SUGCT: variants seen among roughly 807,000 people sequenced by gnomAD.
The protein encoded by SUGCT is succinyl-CoA:glutarate-CoA transferase.
SUGCT carries 41 observed loss-of-function variants against 55.0 expected under a neutral mutation model. That is an observed-to-expected ratio of 0.74 (90% CI 0.58 to 0.97). The LOEUF (loss-of-function observed/expected upper bound fraction) is 0.97, where lower values mean the gene tolerates loss of function less well. Ranked by LOEUF, SUGCT falls within the 50% of genes least tolerant of loss-of-function variation. The probability of loss-of-function intolerance (pLI) is 0.00; values close to 1 mark genes in which losing one functional copy is unlikely to be tolerated. For synonymous variants in SUGCT, 187 were observed against 200.4 expected, an observed-to-expected ratio of 0.93 and a Z score of 0.56; for missense variants, 568 against 547.8, an observed-to-expected ratio of 1.04 and a Z score of -0.37.
intron 12 of SUGCT, among the ~76,000 whole-genome samples, chr7:40,682,917 G>C (rs1335579685): frequency 2.6e-5 from 4 of 152,056 alleles, no homozygotes; most frequent in Non-Finnish European, 5.9e-5. Flanking sequence ...GAAAATGAAA[G>C]GTCAGTATGT....
At chr7:40,679,977 A>G (rs777425972) in intron 12 of SUGCT, among the ~76,000 whole-genome samples, 2 of 152,186 alleles carry the variant, frequency 1.3e-5, no homozygotes, top group Non-Finnish European at 2.9e-5. Flanking sequence ...CATTGTTGCT[A>G]ATGCATGGCC....
intron 9 of SUGCT, among the ~76,000 whole-genome samples, chr7:40,338,950 A>G (rs1188218893): frequency 2.0e-5 from 3 of 152,094 alleles, no homozygotes; most frequent in African/African-American, 7.2e-5. Flanking sequence ...TCTGTTTGTT[A>G]GTTTTCCTTC....
At chr7:40,360,432 T>C (rs1038791925) in intron 9 of SUGCT, among the ~76,000 whole-genome samples, 1 of 152,234 alleles carries the variant, frequency 6.6e-6, no homozygotes, top group African/African-American at 2.4e-5. Context: ...GATTTATTAA[T>C]TCATGATTTC....
At chr7:40,137,530 C>G (rs978294371) in intron 1 of SUGCT, among the ~76,000 whole-genome samples, 1 of 152,188 alleles carries the variant, frequency 6.6e-6, no homozygotes, top group Non-Finnish European at 1.5e-5. Context: ...TAACTTCAAT[C>G]TAACTAAAGT....
chr7:40,272,162 A>G (rs1181559943), intron 7 of SUGCT, among the ~76,000 whole-genome samples: 14 of 43,298 alleles, frequency 3.2e-4, no homozygotes, highest in Non-Finnish European at 4.5e-4. Flanking sequence ...ATATATATAT[A>G]TATATATATA....
intron 12 of SUGCT, among the ~76,000 whole-genome samples, chr7:40,696,583 C>G (rs1017955244): frequency 2.0e-5 from 3 of 152,148 alleles, no homozygotes; most frequent in Non-Finnish European, 4.4e-5. Flanking sequence ...TTATCAGAAC[C>G]TCCAAACTCC....
the SUGCT span, among the ~76,000 whole-genome samples, chr7:40,985,731 A>T: frequency 6.6e-6 from 1 of 152,228 alleles, no homozygotes; most frequent in Non-Finnish European, 1.5e-5. Flanking sequence ...TTATGTTAAC[A>T]GGGAACTGTT....
rs553001322 is a variant in SUGCT at position 40,456,095 on chromosome 7, G to A, written c.889-3006G>A. On this transcript the variant is annotated intron_variant, in intron 10 of 13. Transcript: ENST00000335693. ...GGATGGAGTGTAGTGGCATGATCTC[G>A]GCTCACTGCAACCTCTGCCTCCTGG... is the stretch of plus-strand genomic sequence containing the variant. 7.2e-5 allele frequency among the ~76,000 whole-genome samples: 11 copies of A among 151,912 alleles called. No individual in the cohort carries two copies. The East Asian group carries it at 9.7e-4, about 13-fold the overall frequency.
chr7:40,506,728 T>C (rs926722611), intron 12 of SUGCT, among the ~76,000 whole-genome samples: 1 of 152,166 alleles, frequency 6.6e-6, no homozygotes, highest in African/African-American at 2.4e-5. Context: ...CCAATCTTTT[T>C]TGTCTGTGTT....
chr7:40,159,218 C>T (rs898743472), intron 1 of SUGCT, among the ~76,000 whole-genome samples: 2 of 152,126 alleles, frequency 1.3e-5, no homozygotes, highest in African/African-American at 2.4e-5. Context: ...CCACGCCTGG[C>T]CAGATAATTT....
intron 12 of SUGCT, among the ~76,000 whole-genome samples, chr7:40,513,650 C>T (rs1793067101): frequency 2.6e-5 from 4 of 152,144 alleles, no homozygotes; most frequent in Admixed American, 2.0e-4. Context: ...TACACAGGCA[C>T]TCAATGACAT....
intron 12 of SUGCT, among the ~76,000 whole-genome samples, chr7:40,747,414 T>C (rs1278018731): frequency 1.3e-5 from 2 of 152,216 alleles, no homozygotes; most frequent in African/African-American, 4.8e-5. Flanking sequence ...GAGCTCTCTC[T>C]CCGAGTTTAA....
chr7:40,645,583 C>A (rs73689836), intron 12 of SUGCT, among the ~76,000 whole-genome samples: 4 of 152,172 alleles, frequency 2.6e-5, no homozygotes, highest in Non-Finnish European at 5.9e-5. Context: ...TACCTTTCTG[C>A]TAATACTCAT....
intron 13 of SUGCT, among the ~76,000 whole-genome samples, chr7:40,783,045 T>G (rs1273909583): frequency 6.6e-6 from 1 of 152,046 alleles, no homozygotes; most frequent in Non-Finnish European, 1.5e-5. Flanking sequence ...GATATTGGAG[T>G]CCAGTTGATT....
chr7:40,671,698 A>C (rs1801948248), intron 12 of SUGCT, among the ~76,000 whole-genome samples: 1 of 152,190 alleles, frequency 6.6e-6, no homozygotes, highest in Non-Finnish European at 1.5e-5. Flanking sequence ...AATGCTGGTG[A>C]ATCAAATATA....
At chr7:40,543,030 C>T (rs1360264343) in intron 12 of SUGCT, among the ~76,000 whole-genome samples, 7 of 152,178 alleles carry the variant, frequency 4.6e-5, no homozygotes, top group African/African-American at 7.2e-5. Flanking sequence ...ATTTGTGACA[C>T]GAGAAATAGC....
chr7:40,277,099 G>A (rs930971233), intron 8 of SUGCT, among the ~76,000 whole-genome samples: 1 of 152,126 alleles, frequency 6.6e-6, no homozygotes, highest in Admixed American at 6.6e-5. Flanking sequence ...CTAATGATGA[G>A]ATTATTTGCT....
intron 13 of SUGCT, among the ~76,000 whole-genome samples, chr7:40,798,692 C>T (rs918078042): frequency 6.6e-6 from 1 of 152,058 alleles, no homozygotes; most frequent in Non-Finnish European, 1.5e-5. Context: ...TTATGCTTTG[C>T]GCATGCTACT....
intron 8 of SUGCT, among the ~76,000 whole-genome samples, chr7:40,310,355 GA>G (rs1339597842): frequency 7.9e-5 from 12 of 152,214 alleles, no homozygotes; most frequent in Non-Finnish European, 1.3e-4. Flanking sequence ...AGGAAAGTAT[GA>G]GGAACTGTCA....
Sources: allele counts gnomAD v4.1 joint callset (sites outside exome capture counted in the v4.1 genomes callset), GRCh38; gene constraint gnomAD v4.1.1; transcripts MANE v1.5; gene names NCBI Gene and HGNC (gene_info 2026-07-23, HGNC 2026-07-21).